The following QTMAN variants were observed in gnomAD, a reference collection of about 807,000 sequenced individuals.
QTMAN encodes the protein tRNA-queuosine alpha-mannosyltransferase.
the QTMAN span, among the ~76,000 whole-genome samples, chr2:144,182,901 T>TA: frequency 1.0e-5 from 1 of 95,814 alleles, no homozygotes; most frequent in Non-Finnish European, 2.0e-5. Flanking sequence ...TATATATATA[T>TA]TATATATATA....
the QTMAN span, among the ~76,000 whole-genome samples, chr2:144,042,783 G>A: frequency 2.7e-5 from 4 of 146,104 alleles, no homozygotes; most frequent in East Asian, 2.0e-4. Flanking sequence ...AAAAAAAAAA[G>A]ATAATACAAA....
the QTMAN span, among the ~76,000 whole-genome samples, chr2:144,133,385 AAT>A: frequency 1.2e-4 from 5 of 40,412 alleles, no homozygotes; most frequent in Non-Finnish European, 2.6e-4. Context: ...ATAATAATAT[AAT>A]ATATATTATA....
At chr2:144,007,651 G>A in the QTMAN span, 1 of 658,092 alleles carries the variant, frequency 1.5e-6, no homozygotes, top group South Asian at 3.2e-5. Flanking sequence ...AAATAAAGAT[G>A]TTATACAAAA....
At chr2:144,262,309 C>A in the QTMAN span, among the ~76,000 whole-genome samples, 1 of 151,928 alleles carries the variant, frequency 6.6e-6, no homozygotes, top group East Asian at 1.9e-4. Context: ...CTGTTCTTAC[C>A]GGCTTTGGTC....
the QTMAN span, among the ~76,000 whole-genome samples, chr2:144,079,649 T>C: frequency 6.6e-6 from 1 of 152,042 alleles, no homozygotes; most frequent in Non-Finnish European, 1.5e-5. Context: ...AGCCTTATAA[T>C]GAAAAGCTCT....
the QTMAN span, among the ~76,000 whole-genome samples, chr2:144,272,709 TTA>T: frequency 6.6e-6 from 1 of 152,056 alleles, no homozygotes; most frequent in East Asian, 1.9e-4. Flanking sequence ...GAAATCTACA[TTA>T]TGTGTGTGTG....
chr2:144,155,476 A>G, the QTMAN span, among the ~76,000 whole-genome samples: 1 of 152,204 alleles, frequency 6.6e-6, no homozygotes, highest in Non-Finnish European at 1.5e-5. Context: ...TGATTAATCT[A>G]TCGTACAAGA....
At chr2:143,940,908 G>C in the QTMAN span, 12 of 152,190 alleles carry the variant, frequency 7.9e-5, no homozygotes, top group Admixed American at 5.2e-4. Context: ...CAATTCTTCC[G>C]CATTCCTCTC....
At chr2:144,137,215 C>T in the QTMAN span, among the ~76,000 whole-genome samples, 383 of 152,188 alleles carry the variant, frequency 2.5e-3, 1 homozygote, top group Non-Finnish European at 4.6e-3. Context: ...CATTTTCCTA[C>T]ATTCTTAAAA....
At chr2:144,217,749 G>GA in the QTMAN span, among the ~76,000 whole-genome samples, 6 of 149,284 alleles carry the variant, frequency 4.0e-5, no homozygotes, top group African/African-American at 4.9e-5. Context: ...ACTGGAGGGG[G>GA]AAAAAAAAAC....
chr2:144,217,321 C>G, the QTMAN span, among the ~76,000 whole-genome samples: 4 of 151,996 alleles, frequency 2.6e-5, no homozygotes, highest in African/African-American at 9.7e-5. Flanking sequence ...CACATGGCAT[C>G]CCATTATACT....
chr2:144,193,432 T>C, the QTMAN span, among the ~76,000 whole-genome samples: 1 of 148,388 alleles, frequency 6.7e-6, no homozygotes, highest in East Asian at 1.9e-4. Flanking sequence ...TTATATATAA[T>C]ATATATTATG....
the QTMAN span, among the ~76,000 whole-genome samples, chr2:144,094,143 T>C: frequency 6.6e-6 from 1 of 152,206 alleles, no homozygotes; most frequent in Admixed American, 6.5e-5. Context: ...GCGCATTAAA[T>C]GTCAAGATGT....
At chr2:143,968,566 T>C in the QTMAN span, among the ~76,000 whole-genome samples, 25 of 152,314 alleles carry the variant, frequency 1.6e-4, no homozygotes, top group African/African-American at 5.3e-4. Context: ...CTTAGGCTTT[T>C]GAGTAAAAAC....
the QTMAN span, among the ~76,000 whole-genome samples, chr2:143,990,816 G>T: frequency 6.6e-6 from 1 of 152,036 alleles, no homozygotes; most frequent in Non-Finnish European, 1.5e-5. Context: ...CAAAGCTCTC[G>T]AATACTAAAA....
chr2:144,021,362 G>A, the QTMAN span, among the ~76,000 whole-genome samples: 1 of 152,150 alleles, frequency 6.6e-6, no homozygotes, highest in Non-Finnish European at 1.5e-5. Flanking sequence ...TCAAATGTGA[G>A]GTAGGCTAGA....
the QTMAN span, among the ~76,000 whole-genome samples, chr2:144,269,781 G>A: frequency 3.3e-5 from 5 of 151,344 alleles, no homozygotes; most frequent in African/African-American, 1.2e-4. Flanking sequence ...CAGTCCACAT[G>A]GAAAAACCCC....
the QTMAN span, among the ~76,000 whole-genome samples, chr2:144,290,766 C>T: frequency 6.6e-6 from 1 of 152,204 alleles, no homozygotes; most frequent in Admixed American, 6.5e-5. Context: ...TCCTTCAATT[C>T]TTTCCTCATT....
the QTMAN span, among the ~76,000 whole-genome samples, chr2:144,262,110 G>GATATAT: frequency 6.6e-6 from 1 of 152,060 alleles, no homozygotes; most frequent in South Asian, 2.1e-4. Context: ...TGGCAACAAT[G>GATATAT]ATATATACAT....
Sources: allele counts gnomAD v4.1 joint callset (sites outside exome capture counted in the v4.1 genomes callset), GRCh38; gene constraint gnomAD v4.1.1; transcripts MANE v1.5; gene names NCBI Gene and HGNC (gene_info 2026-07-23, HGNC 2026-07-21).